TTLL11: variants seen among roughly 807,000 people sequenced by gnomAD.
TTLL11 encodes the protein tubulin polyglutamylase TTLL11.
Under a neutral mutation model 51.7 loss-of-function variants are expected in TTLL11, and 42 were observed. The observed-to-expected ratio is 0.81, with a 90% CI of 0.64 to 1.05. The LOEUF is 1.05. Among genes scored for constraint, TTLL11 ranks in the 50% least tolerant of loss-of-function variants. The pLI is 0.00. For missense variants in TTLL11, 799 were observed against 940.4 expected, an observed-to-expected ratio of 0.85 and a Z score of 1.97; for synonymous variants, 381 against 383.5, an observed-to-expected ratio of 0.99 and a Z score of 0.08.
chr9:121,852,558 G>A (rs1259756906), intron 8 of TTLL11, among the ~76,000 whole-genome samples: 2 of 152,102 alleles, frequency 1.3e-5, no homozygotes, highest in South Asian at 2.1e-4. Context: ...TGTTTTTGGG[G>A]GGTGGGGCCA....
intron 8 of TTLL11, among the ~76,000 whole-genome samples, chr9:121,840,298 C>T (rs966245911): frequency 3.3e-5 from 5 of 152,170 alleles, no homozygotes; most frequent in Admixed American, 6.5e-5. Flanking sequence ...CACGTATCCT[C>T]GGATGCATGG....
At chr9:121,975,177 G>C (rs561982667) in intron 4 of TTLL11, among the ~76,000 whole-genome samples, 198 bp from the exon 5 acceptor site, 122 of 152,238 alleles carry the variant, frequency 8.0e-4, no homozygotes, top group Non-Finnish European at 1.5e-3. Flanking sequence ...CTTGATAATG[G>C]GATGAGTTCC....
intron 1 of TTLL11, among the ~76,000 whole-genome samples, chr9:122,050,280 T>C (rs1054291149): frequency 1.3e-5 from 2 of 152,136 alleles, no homozygotes; most frequent in African/African-American, 4.8e-5. Flanking sequence ...CCTCAACAAG[T>C]AACTTCAATT....
At chr9:121,826,379 G>A (rs1268307658) in intron 8 of TTLL11, among the ~76,000 whole-genome samples, 1 of 133,632 alleles carries the variant, frequency 7.5e-6, no homozygotes, top group Admixed American at 7.6e-5. Flanking sequence ...ATATATGAGT[G>A]TGTGGGTGTA....
intron 1 of TTLL11, among the ~76,000 whole-genome samples, chr9:122,053,358 T>A (rs1845211401): frequency 6.6e-6 from 1 of 151,870 alleles, no homozygotes; most frequent in East Asian, 1.9e-4. Flanking sequence ...CGAAGGGAAA[T>A]CAGGCAGAGG....
At chr9:122,037,349 T>A (rs74642823) in intron 2 of TTLL11, among the ~76,000 whole-genome samples, 1,664 of 152,326 alleles carry the variant, frequency 0.011, 10 homozygotes, top group Non-Finnish European at 0.018. Flanking sequence ...GCTGCAAGAA[T>A]CATTCTTGTT....
intron 3 of TTLL11, among the ~76,000 whole-genome samples, chr9:122,008,407 A>G (rs78078188): frequency 6.6e-6 from 1 of 152,378 alleles, no homozygotes; most frequent in African/African-American, 2.4e-5. Context: ...CTATTAAAGA[A>G]TGGGCAAAGA....
At chr9:122,087,152 A>G (rs552120810) in intron 1 of TTLL11, among the ~76,000 whole-genome samples, 2 of 152,156 alleles carry the variant, frequency 1.3e-5, no homozygotes, top group Admixed American at 6.5e-5. Context: ...ATGACAGTGC[A>G]GTCTATTTTA....
At chr9:121,930,218 C>G (rs763465134) in intron 6 of TTLL11, among the ~76,000 whole-genome samples, 2 of 152,088 alleles carry the variant, frequency 1.3e-5, no homozygotes, top group African/African-American at 4.8e-5. Flanking sequence ...CTGGCTGCAT[C>G]GGAAAAAGAC....
chr9:121,970,415 C>T (rs904840350), intron 6 of TTLL11, among the ~76,000 whole-genome samples: 2 of 152,142 alleles, frequency 1.3e-5, no homozygotes, highest in African/African-American at 2.4e-5. Flanking sequence ...TACAGTAGAA[C>T]GCTTCTACCC....
At chr9:122,010,479 A>G (rs1003691711) in intron 3 of TTLL11, among the ~76,000 whole-genome samples, 1 of 152,186 alleles carries the variant, frequency 6.6e-6, no homozygotes, top group African/African-American at 2.4e-5. Flanking sequence ...TGGATGGTCT[A>G]TGTCTGCTTT....
intron 8 of TTLL11, among the ~76,000 whole-genome samples, chr9:121,842,249 C>CT (rs148390026): frequency 0.053 from 7,904 of 149,684 alleles, 642 homozygotes; most frequent in African/African-American, 0.18. Flanking sequence ...GCTCCCTCTC[C>CT]TTTTTTTTAA....
chr9:121,991,605 C>T (rs369189577), intron 3 of TTLL11, among the ~76,000 whole-genome samples: 12 of 152,258 alleles, frequency 7.9e-5, no homozygotes, highest in African/African-American at 1.7e-4. Flanking sequence ...TTTGCTATGC[C>T]GAAGACACTA....
At chr9:121,874,557 C>CT (rs929988327) in intron 6 of TTLL11, among the ~76,000 whole-genome samples, 4 of 152,142 alleles carry the variant, frequency 2.6e-5, no homozygotes, top group South Asian at 4.1e-4. Context: ...CCAAATCCTT[C>CT]TTTTTATACC....
chr9:121,964,285 C>CTTTTTTTTTGTTTT lies in TTLL11; in HGVS notation c.1481+9723_1481+9724insAAAACAAAAAAAAA, dbSNP rs143673197. Among the ~76,000 whole-genome samples, 146 of 150,896 alleles carry CTTTTTTTTTGTTTT rather than the reference C, an allele frequency of 9.7e-4. 1 individual carries two copies. Among genetic ancestry groups the CTTTTTTTTTGTTTT allele is most frequent in the African/African-American group, 3.4e-3 (139 of 40,822 alleles). On this transcript the variant is annotated intron_variant, in intron 6 of 8. Transcript: ENST00000321582. ...CAAAAACAAGCTCAAATTTCTTTTC[C>CTTTTTTTTTGTTTT]TTTTTTTTGTTTTTTGTTTTTTGTT...
chr9:122,039,426 G>A, intron 1 of TTLL11, 58 bp from the exon 2 acceptor site: 2 of 1,367,548 alleles, frequency 1.5e-6, no homozygotes, highest in East Asian at 2.3e-5. Flanking sequence ...ACCACACTGA[G>A]TATCCATTAT....
In TTLL11 at chr9:122,032,058, G is replaced by A. The variant is rs577875320; in HGVS notation, c.560-202C>T. The stretch of plus-strand genomic sequence containing the variant: ...GAGTTAATGAAAAACTTGAGGTAAC[G>A]GACGGGTGTTCTTTTCTCTTTATAA... On this transcript the variant is annotated intron_variant, in intron 2 of 8. Coordinates refer to ENST00000321582, the MANE Select transcript of TTLL11 (RefSeq NM_001139442.2). Among the ~76,000 whole-genome samples the A allele has an allele frequency of 2.2e-4, 34 of 152,318 alleles. 1 individual carries two copies. The highest frequency in any genetic ancestry group is 1.0e-3 in the South Asian group (5 of 4,824).
At chr9:121,850,338 T>G (rs749543327) in intron 8 of TTLL11, among the ~76,000 whole-genome samples, 18 of 151,856 alleles carry the variant, frequency 1.2e-4, no homozygotes, top group Non-Finnish European at 2.4e-4. Context: ...TGTGGCTCAG[T>G]CCAAGTCTGA....
intron 8 of TTLL11, among the ~76,000 whole-genome samples, chr9:121,857,243 G>A (rs565697030): frequency 2.6e-4 from 40 of 152,352 alleles, no homozygotes; most frequent in African/African-American, 8.7e-4. Context: ...GGCCCTGTGA[G>A]TTGACTTTTA....
Sources: gnomAD v4.1 joint callset for allele counts (sites outside exome capture counted in the v4.1 genomes callset) on GRCh38, gnomAD v4.1.1 for gene constraint, MANE v1.5 for transcripts, NCBI Gene and HGNC (gene_info 2026-07-23, HGNC 2026-07-21) for gene names.